Variants in ARPP21 observed in about 807,000 individuals in gnomAD.
ARPP21 encodes the protein cAMP-regulated phosphoprotein 21.
A neutral mutation model predicts 113.2 loss-of-function variants in ARPP21; 69 were observed. The observed-to-expected ratio is 0.61, with a 90% CI of 0.50 to 0.74. ARPP21 has a LOEUF of 0.74. ARPP21 is among the 30% of genes least tolerant of loss of function. The pLI is 0.00. For synonymous variants in ARPP21, 368 were observed against 375.5 expected, an observed-to-expected ratio of 0.98 and a Z score of 0.23; for missense variants, 1,070 against 1,037.4, an observed-to-expected ratio of 1.03 and a Z score of -0.43.
chr3:35,715,645 G>T (rs1295173840), intron 12 of ARPP21, 169 bp downstream of exon 12: 3 of 448,658 alleles, frequency 6.7e-6, no homozygotes, highest in Non-Finnish European at 1.2e-5. Flanking sequence ...ATCTACAAAT[G>T]ATCTAATTTG....
intron 1 of ARPP21, among the ~76,000 whole-genome samples, chr3:35,647,690 T>C (rs1393447231): frequency 6.6e-6 from 1 of 152,190 alleles, no homozygotes; most frequent in Non-Finnish European, 1.5e-5. Flanking sequence ...GTACTGGTGT[T>C]TGGTTTCTGG....
chr3:35,702,799 G>A (rs554200790), intron 9 of ARPP21, among the ~76,000 whole-genome samples: 8 of 151,816 alleles, frequency 5.3e-5, no homozygotes, highest in Admixed American at 3.3e-4. Flanking sequence ...TGCAAATTGT[G>A]AGATACACTT....
chr3:35,651,199 G>T (rs542345645), intron 1 of ARPP21, among the ~76,000 whole-genome samples: 1 of 152,004 alleles, frequency 6.6e-6, no homozygotes, highest in African/African-American at 2.4e-5. Flanking sequence ...TAAAGAAAAA[G>T]ATGCATTATT....
intron 19 of ARPP21, 143 bp from the exon 20 acceptor site, chr3:35,792,239 T>C (rs946085171): frequency 3.7e-5 from 26 of 695,332 alleles, no homozygotes; most frequent in Non-Finnish European, 5.7e-5. Context: ...AATGCATTCT[T>C]AGGGAATAAA....
rs377235473 is a variant in ARPP21 at position 35,792,474 on chromosome 3, C to A, written c.2230C>A (p.Gln744Lys). The A allele has an allele frequency of 1.6e-5, 26 of 1,613,876 alleles. No individual in the cohort carries two copies. The African/African-American group carries it at 2.7e-4, about 17-fold the overall frequency. The change falls in exon 20 of 21, where the codon CAA (glutamine) becomes AAA (lysine). Residue 744 changes from glutamine (Q) to lysine (K), a missense_variant. Gln to Lys is a moderately conservative substitution (Grantham distance 53). Transcript: ENST00000684406. ...PQSQNVINNQ[Q>K]GTPVQSVMVS... ...GAGTCAGAACGTGATAAATAACCAA[C>A]AAGGAACTCCGGTGCAAAGCGTGAT...
rs768902663 is a variant in ARPP21 at position 35,721,741 on chromosome 3, A to G, written c.1132A>G (p.Met378Val). 1 of 1,613,976 alleles carries G rather than the reference A, an allele frequency of 6.2e-7. No homozygotes were observed. Among genetic ancestry groups the G allele is most frequent in the Non-Finnish European group, 8.5e-7 (1 of 1,179,934 alleles). ...TTCCAACCGCAATCTAAAGCCCGCC[A>G]TGACCAAGACGGCGAGTTTTGGGGG... ...DSSNRNLKPA[M>V]TKTASFGGIT... is the part of the protein sequence containing the mutation. Residue 378 changes from methionine (M) to valine (V), a missense_variant, in exon 14 of 21, where the codon ATG (methionine) becomes GTG (valine). Transcript: ENST00000684406.
chr3:35,759,779 G>A (rs1158468070), intron 19 of ARPP21, among the ~76,000 whole-genome samples: 1 of 151,560 alleles, frequency 6.6e-6, no homozygotes, highest in Non-Finnish European at 1.5e-5. Flanking sequence ...AGCATTGGCA[G>A]ATTTGATTTC....
chr3:35,720,777 T>G (rs1382022543), intron 13 of ARPP21, among the ~76,000 whole-genome samples: 2 of 152,248 alleles, frequency 1.3e-5, no homozygotes, highest in African/African-American at 4.8e-5. Context: ...TCTACAGTCT[T>G]CAAACTTCAC....
At chr3:35,699,622 C>T (rs537497768) in intron 9 of ARPP21, among the ~76,000 whole-genome samples, 137 of 151,714 alleles carry the variant, frequency 9.0e-4, no homozygotes, top group Middle Eastern at 3.4e-3. Context: ...TCCCAATCTT[C>T]ACTTCCCACC....
chr3:35,711,066 T>G (rs2090977861), intron 11 of ARPP21, among the ~76,000 whole-genome samples: 1 of 152,252 alleles, frequency 6.6e-6, no homozygotes, highest in Non-Finnish European at 1.5e-5. Context: ...TTGGCAGCCT[T>G]CTTTAAAATG....
chr3:35,718,259 A>T (rs2092678750), intron 13 of ARPP21, among the ~76,000 whole-genome samples: 1 of 152,194 alleles, frequency 6.6e-6, no homozygotes, highest in South Asian at 2.1e-4. Flanking sequence ...TGAAACAAAA[A>T]ACAGAAGCTT....
intron 19 of ARPP21, among the ~76,000 whole-genome samples, chr3:35,775,330 C>G (rs1055220156): frequency 5.3e-5 from 8 of 152,146 alleles, no homozygotes; most frequent in African/African-American, 1.9e-4. Context: ...CAGAATGAAT[C>G]CCATTTCTCT....
At chr3:35,681,455 T>C (rs2078902327) in intron 2 of ARPP21, 2 of 270,646 alleles carry the variant, frequency 7.4e-6, no homozygotes, top group East Asian at 1.3e-4. Flanking sequence ...GTGGGAGTTA[T>C]GTGTCTCTAA....
At chr3:35,736,050 T>G (rs1233031707) in intron 15 of ARPP21, among the ~76,000 whole-genome samples, 2 of 152,218 alleles carry the variant, frequency 1.3e-5, no homozygotes, top group East Asian at 3.8e-4. Context: ...CTTCAGTTAT[T>G]TGGCATAATG....
chr3:35,653,931 A>G (rs1015022297), intron 1 of ARPP21, among the ~76,000 whole-genome samples: 56 of 152,162 alleles, frequency 3.7e-4, no homozygotes, highest in African/African-American at 1.2e-3. Context: ...ATAAATTTGG[A>G]GGGTTGTCAC....
chr3:35,741,514 A>C (rs940542740), intron 18 of ARPP21, among the ~76,000 whole-genome samples: 1 of 152,224 alleles, frequency 6.6e-6, no homozygotes, highest in African/African-American at 2.4e-5. Flanking sequence ...CTATTTAATA[A>C]ATGTAAAGGT....
At chr3:35,716,314 G>T (rs923226838) in intron 12 of ARPP21, among the ~76,000 whole-genome samples, 18 of 152,020 alleles carry the variant, frequency 1.2e-4, no homozygotes, top group Admixed American at 2.6e-4. Flanking sequence ...TCAGGGTTTT[G>T]CTTAATGTGT....
intron 5 of ARPP21, chr3:35,684,336 C>A: frequency 9.5e-7 from 1 of 1,055,082 alleles, no homozygotes; most frequent in Non-Finnish European, 1.1e-6. Flanking sequence ...AAAAGTTGTC[C>A]AGAAATGAAT....
chr3:35,786,761 A>C (rs1214828459), intron 19 of ARPP21, among the ~76,000 whole-genome samples: 1 of 152,192 alleles, frequency 6.6e-6, no homozygotes, highest in Non-Finnish European at 1.5e-5. Context: ...CTTGTGCCCG[A>C]GGACCCCTGG....
Sources: allele counts gnomAD v4.1 joint callset (sites outside exome capture counted in the v4.1 genomes callset), GRCh38; gene constraint gnomAD v4.1.1; transcripts MANE v1.5; gene names NCBI Gene and HGNC (gene_info 2026-07-23, HGNC 2026-07-21).